Variants in NAB2 observed in about 807,000 individuals in gnomAD.
NAB2 encodes the protein NGFI-A-binding protein 2.
Under a neutral mutation model 44.2 loss-of-function variants are expected in NAB2, and 9 were observed. The ratio of observed to expected loss-of-function variants is 0.20; its 90% CI spans 0.12 to 0.36. The LOEUF is 0.36. NAB2 is among the 10% of genes least tolerant of loss of function. NAB2 has a pLI of 1.00. For missense variants in NAB2, 514 were observed against 709.0 expected, an observed-to-expected ratio of 0.73 and a Z score of 3.12; for synonymous variants, 342 against 291.0, an observed-to-expected ratio of 1.18 and a Z score of -1.78.
intron 3 of NAB2, 89 bp downstream of exon 3, chr12:57,092,670 C>T (rs1011844709): frequency 1.7e-5 from 26 of 1,508,774 alleles, no homozygotes; most frequent in Non-Finnish European, 2.2e-5. Context: ...CAGCTCTAGG[C>T]CTGCTTCCCG....
At position 57,093,123 on chromosome 12, in the gene NAB2, C is replaced by G; in HGVS notation, c.1204C>G (p.Pro402Ala). ...QPPPGPESYV[P>A]PYRPSLEEDS... The stretch of plus-strand genomic sequence containing the variant: ...TCCCCCAGGCCCTGAGTCCTATGTA[C>G]CCCCATACCGCCCCAGCCTGGAGGA... Residue 402 changes from proline (P) to alanine (A), a missense_variant, in exon 5 of 7, where the codon CCC (proline) becomes GCC (alanine). Coordinates refer to ENST00000300131, the MANE Select transcript of NAB2 (RefSeq NM_005967.4). The G allele has an allele frequency of 6.2e-7, 1 of 1,613,682 alleles. No homozygotes were observed. Among genetic ancestry groups the G allele is most frequent in the Non-Finnish European group, 8.5e-7 (1 of 1,179,770 alleles).
Position 57,091,475 on chromosome 12 carries a change from A to C in NAB2, c.434A>C (p.His145Pro). ...CGGAAAGGGAGCATGAGCAATGGGC[A>C]TGGCAGCCCAGGGGAAAAGGCAGGC... The part of the protein sequence containing the change: ...GTRKGSMSNG[H>P]GSPGEKAGSA... Residue 145 changes from histidine (H) to proline (P), a missense_variant, in exon 2 of 7, where the codon CAT becomes CCT. By Grantham distance (77) the His-to-Pro change is moderately conservative. Around this residue, in one of 5 missense-constraint regions of NAB2, gnomAD observed 177 missense variants for 200.5 expected, o/e 0.88. Transcript: ENST00000300131. The surrounding 1 kb of genome is among the most constrained non-coding windows in gnomAD (Gnocchi z 7.3). 6.2e-7 allele frequency: 1 copy of C among 1,614,206 alleles called. No homozygotes were observed. The highest frequency in any genetic ancestry group is 1.1e-5 in the South Asian group (1 of 91,086).
At chr12:57,093,346 G>A in intron 5 of NAB2, 61 bp from the exon 6 acceptor site, 8 of 1,477,988 alleles carry the variant, frequency 5.4e-6, no homozygotes, top group Non-Finnish European at 7.2e-6. Context: ...CTGGCTATGT[G>A]GTTGAGGGTG....
rs753308112 is a variant in NAB2, at chr12:57,091,290, C to T, written c.249C>T (p.Ile83=). The change falls in exon 2 of 7, where the codon ATC becomes ATT. Residue 83 remains isoleucine (I), a synonymous_variant. Coordinates refer to ENST00000300131, the MANE Select transcript of NAB2 (RefSeq NM_005967.4). The surrounding 1 kb of genome is among the most constrained non-coding windows in gnomAD (Gnocchi z 7.3). ...CGGGTGAGGAGGAGTTTCTGGAGAT[C>T]ATGGCACTTGTGGGCATGGCCACCA... The part of the protein sequence containing the change: ...CEAGEEEFLE[I]MALVGMATKP... The T allele has an allele frequency of 3.1e-6, 5 of 1,609,826 alleles. No individual in the cohort carries two copies. Among genetic ancestry groups the T allele is most frequent in the African/African-American group, 1.3e-5 (1 of 74,850 alleles).
intron 3 of NAB2, 78 bp from the exon 4 acceptor site, chr12:57,092,839 C>T (rs1465752746): frequency 6.5e-7 from 1 of 1,546,038 alleles, no homozygotes; most frequent in African/African-American, 1.4e-5. Flanking sequence ...TAACACATGC[C>T]TCTGGCTGGG....
In NAB2 at chr12:57,094,646, C is replaced by T. The variant is rs1408706422; in HGVS notation, c.1503C>T (p.Ala501=). 1.3e-6 allele frequency: 2 copies of T among 1,554,936 alleles called. No individual in the cohort carries two copies. Among genetic ancestry groups the T allele is most frequent in the Middle Eastern group, 1.7e-4 (1 of 6,016 alleles). The change falls in exon 7 of 7, where the codon GCC becomes GCT. Residue 501 remains alanine, a synonymous_variant. Transcript: ENST00000300131. ...AAGGGCTGCTGGACAGATGTCCTGC[C>T]CCAGGACCCCATCCCGCGCTGGTGG... The part of the protein sequence containing the change: ...FEEGLLDRCP[A]PGPHPALVEG...
In NAB2 at chr12:57,094,996, C is replaced by A; in HGVS notation, c.*275C>A. On this transcript the variant is annotated 3_prime_UTR_variant, in exon 7 of 7. Transcript: ENST00000300131. ...TCCAGGGCATCTGGGGTTTTCCCCTCCCTCACACAACACACTCCCATTCTC... is the reference window on the plus strand; with the variant it reads ...TCCAGGGCATCTGGGGTTTTCCCCTACCTCACACAACACACTCCCATTCTC... 1 of 478,688 alleles carries A rather than the reference C, an allele frequency of 2.1e-6. No individual in the cohort carries two copies. 29.7% of individuals were successfully genotyped at this position (478,688 alleles called of 1,614,324 possible). A position where few individuals can be genotyped will look rare whatever the true frequency, so the allele number is the denominator to read the frequency against.
chr12:57,093,690 G>C (rs2033252963), intron 6 of NAB2, 92 bp downstream of exon 6: 6 of 1,314,360 alleles, frequency 4.6e-6, no homozygotes, highest in Non-Finnish European at 1.0e-6. Flanking sequence ...GGGAGGAAGA[G>C]GGATATAGTC....
At chr12:57,093,729 T>C in intron 6 of NAB2, 131 bp downstream of exon 6, 3 of 1,006,324 alleles carry the variant, frequency 3.0e-6, no homozygotes, top group East Asian at 3.0e-5. Flanking sequence ...ATGGCTGGGC[T>C]CCAGCCAGCC....
intron 6 of NAB2, among the ~76,000 whole-genome samples, chr12:57,094,011 AG>A (rs1161585305): frequency 1.3e-5 from 2 of 151,276 alleles, no homozygotes; most frequent in Non-Finnish European, 2.9e-5. Flanking sequence ...TGTGTGTGGA[AG>A]GGGGAAGAGG....
At chr12:57,092,095 T>C in intron 2 of NAB2, 97 bp downstream of exon 2, 1 of 1,482,828 alleles carries the variant, frequency 6.7e-7, no homozygotes, top group Non-Finnish European at 8.9e-7. Context: ...TCTTTCATTA[T>C]CTCTTGACCA....
chr12:57,093,780 C>G (rs2033256331), intron 6 of NAB2, among the ~76,000 whole-genome samples, 182 bp downstream of exon 6: 3 of 152,010 alleles, frequency 2.0e-5, no homozygotes, highest in African/African-American at 7.3e-5. Context: ...CCGAGCTGCT[C>G]CCACCATGGA....
At chr12:57,092,775 T>C (rs1229056968) in intron 3 of NAB2, 142 bp from the exon 4 acceptor site, 4 of 1,318,248 alleles carry the variant, frequency 3.0e-6, no homozygotes, top group Admixed American at 3.7e-5. Flanking sequence ...CCTACAACAA[T>C]AGTGCTTGAA....
In NAB2 at chr12:57,093,164, G is replaced by C; in HGVS notation, c.1245G>C (p.Leu415=). 6.2e-7 allele frequency: 1 copy of C among 1,612,370 alleles called. No homozygotes were observed. The highest frequency in any genetic ancestry group is 1.3e-5 in the African/African-American group (1 of 75,030). The change falls in exon 5 of 7, where the codon CTG becomes CTC. Residue 415 remains leucine (L), a synonymous_variant. Coordinates refer to ENST00000300131, the MANE Select transcript of NAB2 (RefSeq NM_005967.4). ...RPSLEEDSAS[L]SGESLDGHLQ... ...GCCTGGAGGAGGACAGCGCCAGCCT[G>C]TCTGGGGAGAGTCTGGATGGACATT...
rs762556212 is a variant in NAB2 at position 57,094,828 on chromosome 12, C to T, written c.*107C>T. On this transcript the variant is annotated 3_prime_UTR_variant, in exon 7 of 7. Coordinates refer to ENST00000300131, the MANE Select transcript of NAB2 (RefSeq NM_005967.4). ...GTCACAACCCTGGATCCTTCCTCTG[C>T]CCTTCTCCTGCCTCCCCACCTGCTC... is the stretch of plus-strand genomic sequence containing the variant. 6.9e-5 allele frequency: 63 copies of T among 907,598 alleles called. No homozygotes were observed. The highest frequency in any genetic ancestry group is 9.6e-5 in the Non-Finnish European group (58 of 603,772). 56.2% of individuals were successfully genotyped at this position (907,598 alleles called of 1,614,324 possible). A position where few individuals can be genotyped will look rare whatever the true frequency, so the allele number is the denominator to read the frequency against.
chr12:57,089,301 G>C lies in NAB2; in HGVS notation c.30G>C (p.Glu10Asp). Residue 10 changes from glutamate to aspartate, a missense_variant, in exon 1 of 7, where the codon GAG becomes GAC. Physicochemically the swap from Glu to Asp is conservative, Grantham distance 45. This residue lies in a region of NAB2 where 56 missense variants were observed against 45.5 expected (regional missense o/e 1.23). Transcript: ENST00000300131. Reference protein sequence around the residue: MHRAPSPTAEQPPGGGDSAR... With the variant: MHRAPSPTADQPPGGGDSAR... ...ACAGAGCGCCTTCCCCCACAGCCGA[G>C]CAGCCGCCGGGCGGAGGGGACAGCG... The C allele has an allele frequency of 6.3e-7, 1 of 1,578,718 alleles. No individual in the cohort carries two copies. The highest frequency in any genetic ancestry group is 2.3e-5 in the East Asian group (1 of 43,610).
chr12:57,089,167 T>C lies in NAB2; in HGVS notation c.-105T>C. 3.3e-6 allele frequency: 4 copies of C among 1,202,476 alleles called. No homozygotes were observed. Among genetic ancestry groups the C allele is most frequent in the Non-Finnish European group, 4.7e-6 (4 of 845,406 alleles). 74.5% of individuals were successfully genotyped at this position (1,202,476 alleles called of 1,614,324 possible). A position where few individuals can be genotyped will look rare whatever the true frequency, so the allele number is the denominator to read the frequency against. On this transcript the variant is annotated 5_prime_UTR_variant, in exon 1 of 7. Transcript: ENST00000300131. ...AAGACGTGGAGGGAGGGACAGAGCCTGGACAGCGGTGGACACGGCATCGTG... is the reference window on the plus strand; with the variant it reads ...AAGACGTGGAGGGAGGGACAGAGCCCGGACAGCGGTGGACACGGCATCGTG...
Position 57,089,185 on chromosome 12 carries a change from G to C in NAB2, c.-87G>C, listed in dbSNP as rs1565671963. 1 of 1,358,112 alleles carries C rather than the reference G, an allele frequency of 7.4e-7. No individual in the cohort carries two copies. Among genetic ancestry groups the C allele is most frequent in the East Asian group, 2.5e-5 (1 of 39,942 alleles). 84.1% of individuals were successfully genotyped at this position (1,358,112 alleles called of 1,614,324 possible). On this transcript the variant is annotated 5_prime_UTR_variant, in exon 1 of 7. Transcript: ENST00000300131. ...CAGAGCCTGGACAGCGGTGGACACGGCATCGTGCGCGGGGAAGAGGGCAGC... is the reference window on the plus strand; with the variant it reads ...CAGAGCCTGGACAGCGGTGGACACGCCATCGTGCGCGGGGAAGAGGGCAGC...
In NAB2 at chr12:57,091,552, TCAC is replaced by T; in HGVS notation, c.515_517del (p.Pro172del). 1 of 1,611,626 alleles carries T rather than the reference TCAC, an allele frequency of 6.2e-7. No homozygotes were observed. Among genetic ancestry groups the T allele is most frequent in the South Asian group, 1.1e-5 (1 of 91,020 alleles). On this transcript the variant is annotated inframe_deletion, in exon 2 of 7. Transcript: ENST00000300131. This position sits in a 1 kb window ranked among gnomAD's most constrained non-coding sequence, Gnocchi z 7.3. ...CCCCCTTGAACTTGGAGAGAAGCTA[TCAC>T]CACTGCCTGGGGGACCTGGGGCAGG...
Sources: gnomAD v4.1 joint callset for allele counts (sites outside exome capture counted in the v4.1 genomes callset) on GRCh38, gnomAD v4.1.1 for gene constraint, gnomAD v4.1.1 regional missense constraint, Gnocchi (gnomAD v3.1) non-coding constraint, MANE v1.5 for transcripts, NCBI Gene and HGNC (gene_info 2026-07-23, HGNC 2026-07-21) for gene names.